The following DCAF8L2 variants were observed in gnomAD, a reference collection of about 807,000 sequenced individuals.
DCAF8L2 encodes the protein DDB1 and CUL4 associated factor 8 like 2, also known as DDB1- and CUL4-associated factor 8-like protein 2.
For missense variants in DCAF8L2, 430 were observed against 490.7 expected (o/e 0.88, Z 1.17); for synonymous variants, 200 against 190.9 (o/e 1.05, Z -0.39).
chrX:27,486,814 C>T, the DCAF8L2 span, among the ~76,000 whole-genome samples: 1 of 111,323 alleles, frequency 9.0e-6, no homozygotes, highest in African/African-American at 3.3e-5. Context: ...AATTTTATTC[C>T]ATTAATCTAT....
intron 4 of DCAF8L2, among the ~76,000 whole-genome samples, chrX:27,722,355 T>C (rs1430496070): frequency 1.8e-5 from 2 of 111,628 alleles, no homozygotes; most frequent in African/African-American, 6.5e-5. Context: ...AGGTTGAAAA[T>C]GCATTTAATA....
chrX:27,642,422 G>A (rs1042718316), intron 2 of DCAF8L2, among the ~76,000 whole-genome samples: 1 of 109,988 alleles, frequency 9.1e-6, no homozygotes, highest in African/African-American at 3.3e-5. Context: ...TTCTGGCTCC[G>A]ATTGAGCCCT....
chrX:27,519,386 T>C, the DCAF8L2 span: 1 of 1,148,935 alleles, frequency 8.7e-7, no homozygotes, highest in Non-Finnish European at 1.2e-6. Flanking sequence ...GCCGACCAGA[T>C]GAAGAATCAG....
At chrX:27,604,739 C>T (rs188409473) in intron 1 of DCAF8L2, among the ~76,000 whole-genome samples, 11 of 111,473 alleles carry the variant, frequency 9.9e-5, no homozygotes, top group Admixed American at 2.9e-4. Flanking sequence ...TAGAGACCTC[C>T]CTTTGCTTCC....
At chrX:27,475,855 A>G in the DCAF8L2 span, among the ~76,000 whole-genome samples, 1 of 111,753 alleles carries the variant, frequency 8.9e-6, no homozygotes, top group Non-Finnish European at 1.9e-5. Flanking sequence ...TCAAGGATCC[A>G]GTGAGTATTT....
At chrX:27,505,468 G>A in the DCAF8L2 span, among the ~76,000 whole-genome samples, 1 of 111,589 alleles carries the variant, frequency 9.0e-6, no homozygotes, top group Non-Finnish European at 1.9e-5. Flanking sequence ...ACTGATTTCA[G>A]TTTATGAAAA....
upstream of DCAF8L2, among the ~76,000 whole-genome samples, chrX:27,586,411 C>T (rs1925904236): frequency 2.7e-5 from 3 of 111,047 alleles, no homozygotes; most frequent in African/African-American, 9.8e-5. Flanking sequence ...TAAGTTGATG[C>T]GAATGTGGTT....
the DCAF8L2 span, among the ~76,000 whole-genome samples, chrX:27,579,209 A>G: frequency 5.4e-5 from 6 of 112,007 alleles, no homozygotes; most frequent in Non-Finnish European, 9.4e-5. Flanking sequence ...CATATACACC[A>G]TGGAATACTA....
At chrX:27,657,712 C>T (rs1391689604) in intron 2 of DCAF8L2, among the ~76,000 whole-genome samples, 2 of 111,845 alleles carry the variant, frequency 1.8e-5, no homozygotes, top group Non-Finnish European at 3.8e-5. Flanking sequence ...GGATAATGTC[C>T]TCAGCAGGGA....
chrX:27,697,875 A>C (rs1930984958), intron 3 of DCAF8L2, among the ~76,000 whole-genome samples: 1 of 111,165 alleles, frequency 9.0e-6, no homozygotes, highest in African/African-American at 3.3e-5. Context: ...AGAGAAAGAA[A>C]AAGAATGAAA....
At chrX:27,577,655 C>T in the DCAF8L2 span, among the ~76,000 whole-genome samples, 5 of 111,415 alleles carry the variant, frequency 4.5e-5, no homozygotes, top group African/African-American at 6.5e-5. Context: ...AAAACCCTGT[C>T]GTCTTAGGCC....
chrX:27,633,006 A>G (rs1233100689), intron 2 of DCAF8L2: 1 of 111,878 alleles, frequency 8.9e-6, no homozygotes, highest in Admixed American at 9.5e-5. Context: ...ACATTAGCCA[A>G]TGTTTGTTAA....
At chrX:27,606,886 C>T (rs1387664947) in intron 1 of DCAF8L2, among the ~76,000 whole-genome samples, 1 of 111,124 alleles carries the variant, frequency 9.0e-6, no homozygotes, top group Non-Finnish European at 1.9e-5. Context: ...TGCACTTTAA[C>T]TCTAGAAAAC....
chrX:27,679,042 T>C (rs1348924319), intron 3 of DCAF8L2, among the ~76,000 whole-genome samples: 3 of 111,464 alleles, frequency 2.7e-5, no homozygotes, highest in Non-Finnish European at 5.7e-5. Context: ...CAATAATGGC[T>C]ATGCAGAGGA....
At chrX:27,621,898 GT>G (rs760577988) in intron 1 of DCAF8L2, among the ~76,000 whole-genome samples, 2 of 110,573 alleles carry the variant, frequency 1.8e-5, no homozygotes, top group Non-Finnish European at 3.8e-5. Context: ...GGAGGCTGAG[GT>G]GGGAGGATTG....
rs1931694740 is a variant in DCAF8L2 at position 27,716,140 on chromosome X, A to T, written c.-90A>T. On this transcript the variant is annotated 5_prime_UTR_variant, in exon 4 of 5. Coordinates refer to ENST00000451261, the MANE Select transcript of DCAF8L2 (RefSeq NM_001353450.2). ...AACTCTTTCAGGACGGTGTGGAATC[A>T]GTGGGGAAATCTCTAATTGCTACTG... is the stretch of plus-strand genomic sequence containing the variant. The T allele has an allele frequency of 8.9e-6, 1 of 111,880 alleles. No individual in the cohort carries two copies. The highest frequency in any genetic ancestry group is 1.9e-5 in the Non-Finnish European group (1 of 53,244). 9.2% of individuals were successfully genotyped at this position (111,880 alleles called of 1,213,427 possible).
chrX:27,533,376 C>T, the DCAF8L2 span, among the ~76,000 whole-genome samples: 1 of 109,079 alleles, frequency 9.2e-6, no homozygotes, highest in Non-Finnish European at 1.9e-5. Flanking sequence ...TGCTACTGCA[C>T]TCCAGCATGG....
chrX:27,604,978 C>A (rs2147125911), intron 1 of DCAF8L2, among the ~76,000 whole-genome samples: 1 of 111,747 alleles, frequency 8.9e-6, no homozygotes, highest in African/African-American at 3.2e-5. Flanking sequence ...ATCAGTATTT[C>A]TAGGGTATTT....
chrX:27,656,694 A>G (rs371871817), intron 2 of DCAF8L2, among the ~76,000 whole-genome samples: 33 of 111,743 alleles, frequency 3.0e-4, no homozygotes, highest in African/African-American at 1.1e-3. Flanking sequence ...ACAAAATAAT[A>G]TTCTTTTCTT....
Sources: allele counts gnomAD v4.1 joint callset (sites outside exome capture counted in the v4.1 genomes callset), GRCh38; gene constraint gnomAD v4.1.1; transcripts MANE v1.5; gene names NCBI Gene and HGNC (gene_info 2026-07-23, HGNC 2026-07-21).